ATRNL1: variants seen among roughly 807,000 people sequenced by gnomAD.
The protein encoded by ATRNL1 is attractin like 1, also known as attractin-like protein 1.
Under a neutral mutation model 182.7 loss-of-function variants are expected in ATRNL1, and 95 were observed. The observed-to-expected ratio is 0.52, with a 90% confidence interval of 0.44 to 0.62. ATRNL1 has a LOEUF of 0.62. Ranked by LOEUF, ATRNL1 falls within the 20% of genes least tolerant of loss-of-function variation. The pLI, the probability that ATRNL1 is intolerant of heterozygous loss-of-function variation, is 0.00. For missense variants in ATRNL1, 1,471 were observed against 1,679.5 expected, an observed-to-expected ratio of 0.88 and a Z score of 2.17; for synonymous variants, 576 against 568.3, an observed-to-expected ratio of 1.01 and a Z score of -0.19.
At position 115,281,486 on chromosome 10, in the gene ATRNL1, A is replaced by G; in HGVS notation, c.2232A>G (p.Pro744=). The G allele has an allele frequency of 6.2e-7, 1 of 1,612,238 alleles. No individual in the cohort carries two copies. The highest frequency in any genetic ancestry group is 8.5e-7 in the Non-Finnish European group (1 of 1,179,238). ...DQRQQECQAL[P]AHLCGEGWSH... ...GACAGCAAGAATGCCAGGCTTTACC[A>G]GGTAAAGATTTCAAAATTTAGTAAA... is the stretch of plus-strand genomic sequence containing the variant. Residue 744 remains proline, a splice_region_variant and synonymous_variant, in exon 14 of 29, where the codon CCA becomes CCG. Transcript: ENST00000355044.
At chr10:115,481,492 A>G (rs1387037748) in intron 24 of ATRNL1, among the ~76,000 whole-genome samples, 1 of 150,846 alleles carries the variant, frequency 6.6e-6, no homozygotes, top group Non-Finnish European at 1.5e-5. Context: ...AACTTATAAA[A>G]TATTTTTATC....
intron 27 of ATRNL1, among the ~76,000 whole-genome samples, chr10:115,766,428 G>A (rs1555075060): frequency 6.6e-6 from 1 of 152,206 alleles, no homozygotes; most frequent in Non-Finnish European, 1.5e-5. Flanking sequence ...TTGTTAAGAA[G>A]CACTGATTGT....
At chr10:115,582,958 A>C (rs1855229421) in intron 26 of ATRNL1, among the ~76,000 whole-genome samples, 1 of 147,278 alleles carries the variant, frequency 6.8e-6, no homozygotes, top group South Asian at 2.3e-4. Context: ...TCAGCTTTCT[A>C]CATATGGCTA....
At chr10:115,370,796 A>T (rs1857353499) in intron 19 of ATRNL1, among the ~76,000 whole-genome samples, 1 of 152,216 alleles carries the variant, frequency 6.6e-6, no homozygotes, top group Admixed American at 6.5e-5. Context: ...TTGCATAAGT[A>T]ATGAGGAGCT....
At chr10:115,461,332 A>G (rs1554969639) in intron 21 of ATRNL1, among the ~76,000 whole-genome samples, 1 of 152,104 alleles carries the variant, frequency 6.6e-6, no homozygotes, top group African/African-American at 2.4e-5. Context: ...TGTATGGACA[A>G]AATTAAAAAT....
Position 115,158,873 on chromosome 10 carries a change from C to T in ATRNL1, c.830-1167C>T, listed in dbSNP as rs550908638. ...TTAAAGTTGGGATTAAGTAGTATCC[C>T]TTTAATTACTGTAGGCTAAAAACAA... On this transcript the variant is annotated intron_variant, in intron 5 of 28. Transcript: ENST00000355044. 6.5e-4 allele frequency among the ~76,000 whole-genome samples: 99 copies of T among 151,872 alleles called. No individual in the cohort carries two copies. The Middle Eastern group carries it at 0.014, about 21-fold the overall frequency.
intron 21 of ATRNL1, among the ~76,000 whole-genome samples, chr10:115,434,160 G>T (rs1405988524): frequency 6.7e-6 from 1 of 148,916 alleles, no homozygotes; most frequent in Non-Finnish European, 1.5e-5. Context: ...TGTCATAGAG[G>T]TCATAACATG....
intron 26 of ATRNL1, among the ~76,000 whole-genome samples, chr10:115,567,360 T>G (rs1178815056): frequency 6.6e-6 from 1 of 152,146 alleles, no homozygotes; most frequent in Non-Finnish European, 1.5e-5. Flanking sequence ...CTCTTTGATG[T>G]GTATTGGGAT....
intron 19 of ATRNL1, among the ~76,000 whole-genome samples, chr10:115,384,040 A>C (rs2134241444): frequency 6.6e-6 from 1 of 152,122 alleles, no homozygotes; most frequent in East Asian, 1.9e-4. Context: ...AACAGTACAG[A>C]TCTTAAAATT....
chr10:115,433,096 A>G (rs1348657686), intron 21 of ATRNL1, among the ~76,000 whole-genome samples: 1 of 152,032 alleles, frequency 6.6e-6, no homozygotes, highest in East Asian at 1.9e-4. Flanking sequence ...TACTCTTTAA[A>G]AAATTACTGT....
intron 1 of ATRNL1, among the ~76,000 whole-genome samples, chr10:115,117,356 C>T (rs2218395): frequency 0.28 from 42,662 of 151,932 alleles, 7,704 homozygotes; most frequent in Middle Eastern, 0.42. Flanking sequence ...CACTTTACCA[C>T]TACCCTTCCC....
At chr10:115,376,671 C>T (rs1857689448) in intron 19 of ATRNL1, among the ~76,000 whole-genome samples, 2 of 152,082 alleles carry the variant, frequency 1.3e-5, no homozygotes, top group African/African-American at 4.8e-5. Context: ...TGACTTTTGA[C>T]AATTTTATTA....
At chr10:115,727,526 A>G (rs1327265542) in intron 27 of ATRNL1, among the ~76,000 whole-genome samples, 171 bp downstream of exon 27, 2 of 152,240 alleles carry the variant, frequency 1.3e-5, no homozygotes, top group African/African-American at 4.8e-5. Context: ...ATAGTATGAC[A>G]TGAGCTGTAA....
At chr10:115,251,237 G>T (rs545018135) in intron 10 of ATRNL1, among the ~76,000 whole-genome samples, 1 of 151,928 alleles carries the variant, frequency 6.6e-6, no homozygotes, top group East Asian at 1.9e-4. Flanking sequence ...GATTCTTTAG[G>T]GTGATACTAA....
intron 27 of ATRNL1, among the ~76,000 whole-genome samples, chr10:115,839,662 C>T (rs1404199961): frequency 6.6e-6 from 1 of 152,096 alleles, no homozygotes; most frequent in Non-Finnish European, 1.5e-5. Flanking sequence ...TCCTGCCTGC[C>T]TCCCTCCGTT....
intron 25 of ATRNL1, among the ~76,000 whole-genome samples, chr10:115,526,039 G>C (rs1036477420): frequency 2.6e-5 from 4 of 152,160 alleles, no homozygotes; most frequent in African/African-American, 9.7e-5. Flanking sequence ...TTGTGAGGGG[G>C]CACCTGTTAC....
intron 26 of ATRNL1, among the ~76,000 whole-genome samples, chr10:115,613,520 C>T (rs186260564): frequency 6.6e-6 from 1 of 152,184 alleles, no homozygotes; most frequent in East Asian, 1.9e-4. Flanking sequence ...TTTTTAGTTT[C>T]AGGCTAATGC....
At chr10:115,489,301 A>G (rs1849179625) in intron 24 of ATRNL1, among the ~76,000 whole-genome samples, 2 of 152,258 alleles carry the variant, frequency 1.3e-5, no homozygotes. Context: ...TGTCTCCTTG[A>G]TCTGTCTAAT....
chr10:115,626,245 T>G (rs1173101187), intron 26 of ATRNL1, among the ~76,000 whole-genome samples: 1 of 152,202 alleles, frequency 6.6e-6, no homozygotes, highest in Non-Finnish European at 1.5e-5. Flanking sequence ...GCATTTGTTT[T>G]CTTTTCCTAT....
Sources: allele counts gnomAD v4.1 joint callset (sites outside exome capture counted in the v4.1 genomes callset), GRCh38; gene constraint gnomAD v4.1.1; transcripts MANE v1.5; gene names NCBI Gene and HGNC (gene_info 2026-07-23, HGNC 2026-07-21).